The following SHLD2 variants were observed in gnomAD, a reference collection of about 807,000 sequenced individuals.
SHLD2 encodes the protein shieldin complex subunit 2, also known as RINN1-REV7-interacting novel NHEJ regulator 2.
A neutral mutation model predicts 73.2 loss-of-function variants in SHLD2; 30 were observed. The ratio of observed to expected loss-of-function variants is 0.41; its 90% CI spans 0.31 to 0.56. SHLD2 has a LOEUF of 0.56. Ranked by LOEUF, SHLD2 falls within the 20% of genes least tolerant of loss-of-function variation. The probability of loss-of-function intolerance (pLI) is 0.28; values close to 1 mark genes in which losing one functional copy is unlikely to be tolerated. For missense variants in SHLD2, 745 were observed against 1,055.9 expected, an observed-to-expected ratio of 0.71 and a Z score of 4.08; for synonymous variants, 285 against 370.1, an observed-to-expected ratio of 0.77 and a Z score of 2.64.
intron 2 of SHLD2, among the ~76,000 whole-genome samples, chr10:87,097,358 C>T (rs868750753): frequency 2.6e-5 from 4 of 152,128 alleles, no homozygotes; most frequent in Non-Finnish European, 5.9e-5. Flanking sequence ...GTCAGGAGTT[C>T]GAGACCAGCC....
chr10:87,147,056 CAAA>C (rs1237507855), intron 2 of SHLD2, among the ~76,000 whole-genome samples: 2 of 43,776 alleles, frequency 4.6e-5, no homozygotes, highest in Admixed American at 2.2e-4. Flanking sequence ...GACTCTGTCT[CAAA>C]AAAAAAAAAA....
chr10:87,096,758 C>A (rs1418866191), intron 1 of SHLD2, among the ~76,000 whole-genome samples, 176 bp from the exon 2 acceptor site: 1 of 152,142 alleles, frequency 6.6e-6, no homozygotes, highest in East Asian at 1.9e-4. Context: ...AGAGAAAGTT[C>A]TTAGTTCTCG....
At chr10:87,100,795 AG>A (rs1164330700) in intron 2 of SHLD2, among the ~76,000 whole-genome samples, 3 of 152,158 alleles carry the variant, frequency 2.0e-5, no homozygotes, top group African/African-American at 7.2e-5. Flanking sequence ...CTAGCTTTGT[AG>A]TAAATTTTGA....
At chr10:87,130,636 A>G (rs1844361515) in intron 2 of SHLD2, among the ~76,000 whole-genome samples, 2 of 152,156 alleles carry the variant, frequency 1.3e-5, no homozygotes, top group Non-Finnish European at 2.9e-5. Context: ...GCTATCTGTT[A>G]CCAGTTCCTG....
chr10:87,104,944 A>G (rs1842509226), intron 2 of SHLD2, among the ~76,000 whole-genome samples: 1 of 152,178 alleles, frequency 6.6e-6, no homozygotes. Flanking sequence ...GGTGTGAGCC[A>G]CCACACCCAG....
At chr10:87,119,033 A>AT (rs1487058370) in intron 2 of SHLD2, among the ~76,000 whole-genome samples, 65 of 150,958 alleles carry the variant, frequency 4.3e-4, no homozygotes, top group Non-Finnish European at 7.8e-4. Context: ...TTAATTACCC[A>AT]TTTTTTTCTG....
chr10:87,109,258 C>T (rs908805166), intron 2 of SHLD2, among the ~76,000 whole-genome samples: 2 of 152,068 alleles, frequency 1.3e-5, no homozygotes, highest in African/African-American at 4.8e-5. Flanking sequence ...CTGGGTCCTT[C>T]CCCACAAACA....
intron 2 of SHLD2, among the ~76,000 whole-genome samples, chr10:87,114,624 T>C (rs1843131225): frequency 6.6e-6 from 1 of 151,986 alleles, no homozygotes; most frequent in African/African-American, 2.4e-5. Flanking sequence ...ACTCAGGAGA[T>C]TGAGGCAGGA....
intron 2 of SHLD2, among the ~76,000 whole-genome samples, chr10:87,121,708 T>G (rs1460330894): frequency 6.6e-6 from 1 of 151,990 alleles, no homozygotes; most frequent in East Asian, 1.9e-4. Flanking sequence ...TGCAAGTGAC[T>G]GAATTTGGCT....
intron 2 of SHLD2, among the ~76,000 whole-genome samples, chr10:87,098,802 G>T (rs61858873): frequency 0.1 from 15,576 of 151,996 alleles, 949 homozygotes; most frequent in Admixed American, 0.15. Context: ...TCGAGACAGG[G>T]TCTCACTGTG....
At chr10:87,138,164 G>A (rs1422719598) in intron 2 of SHLD2, among the ~76,000 whole-genome samples, 2 of 152,030 alleles carry the variant, frequency 1.3e-5, no homozygotes, top group Middle Eastern at 3.2e-3. Context: ...CGGGTGTGGC[G>A]GTGCACACCT....
At chr10:87,169,165 G>C (rs55892577) in intron 4 of SHLD2, among the ~76,000 whole-genome samples, 16,552 of 152,082 alleles carry the variant, frequency 0.11, 1,177 homozygotes, top group Middle Eastern at 0.23. Flanking sequence ...AGATGTTTTT[G>C]TTCCCCAAAA....
chr10:87,149,724 C>CTAAA (rs200276976), intron 2 of SHLD2, among the ~76,000 whole-genome samples: 15,424 of 150,864 alleles, frequency 0.1, 1,070 homozygotes, highest in Non-Finnish European at 0.14. Context: ...AACTCTGTCT[C>CTAAA]TAAATAAATA....
intron 4 of SHLD2, among the ~76,000 whole-genome samples, chr10:87,163,894 TA>T (rs1204276771): frequency 4.0e-5 from 6 of 151,882 alleles, no homozygotes; most frequent in Non-Finnish European, 7.4e-5. Context: ...TACTCCCCAG[TA>T]ATAATGAGCA....
chr10:87,172,576 C>T (rs550729345), intron 6 of SHLD2, among the ~76,000 whole-genome samples: 25 of 152,054 alleles, frequency 1.6e-4, no homozygotes, highest in Non-Finnish European at 3.1e-4. Flanking sequence ...GGTGTGGTGG[C>T]TCACTCCTGT....
At chr10:87,144,577 A>G (rs185963579) in intron 2 of SHLD2, among the ~76,000 whole-genome samples, 27 of 134,532 alleles carry the variant, frequency 2.0e-4, no homozygotes, top group African/African-American at 5.4e-4. Flanking sequence ...GACATTTTCT[A>G]TTATTTTAAA....
chr10:87,102,028 T>TGAA (rs1842299880), intron 2 of SHLD2, among the ~76,000 whole-genome samples: 1 of 152,246 alleles, frequency 6.6e-6, no homozygotes, highest in Non-Finnish European at 1.5e-5. Context: ...TCTTTTTTTG[T>TGAA]TTCCAATCTG....
At chr10:87,151,014 G>A (rs1845973123) in intron 2 of SHLD2, among the ~76,000 whole-genome samples, 1 of 151,820 alleles carries the variant, frequency 6.6e-6, no homozygotes, top group Admixed American at 6.6e-5. Flanking sequence ...TAGTATAGAC[G>A]GCGTTTCACG....
intron 3 of SHLD2, among the ~76,000 whole-genome samples, chr10:87,155,340 A>C (rs573022080): frequency 6.6e-6 from 1 of 151,372 alleles, no homozygotes; most frequent in Admixed American, 6.6e-5. Flanking sequence ...ATGTGATTAT[A>C]TTATTGGAGA....
Sources: allele counts gnomAD v4.1 joint callset (sites outside exome capture counted in the v4.1 genomes callset), GRCh38; gene constraint gnomAD v4.1.1; transcripts MANE v1.5; gene names NCBI Gene and HGNC (gene_info 2026-07-23, HGNC 2026-07-21).